RBL2: variants seen among roughly 807,000 people sequenced by gnomAD.
RBL2 encodes the protein RB transcriptional corepressor like 2.
In RBL2, 56 loss-of-function variants were observed where a neutral mutation model predicts 126.0. The observed-to-expected ratio is 0.44, with a 90% CI of 0.36 to 0.56. The LOEUF (loss-of-function observed/expected upper bound fraction) is 0.56, where lower values mean the gene tolerates loss of function less well. Ranked by LOEUF, RBL2 falls within the 20% of genes least tolerant of loss-of-function variation. The pLI, the probability that RBL2 is intolerant of heterozygous loss-of-function variation, is 0.00. For synonymous variants in RBL2, 454 were observed against 478.5 expected, an observed-to-expected ratio of 0.95 and a Z score of 0.67; for missense variants, 1,229 against 1,398.2, an observed-to-expected ratio of 0.88 and a Z score of 1.93.
Position 53,434,768 on chromosome 16 carries a change from G to T in RBL2, c.212G>T (p.Arg71Leu). The T allele has an allele frequency of 6.6e-7, 1 of 1,526,112 alleles. No homozygotes were observed. Among genetic ancestry groups the T allele is most frequent in the Non-Finnish European group, 8.8e-7 (1 of 1,142,084 alleles). The allele number at this position is 1,526,112 out of a possible 1,614,324, so 94.5% of individuals were successfully genotyped here. A position where few individuals can be genotyped will look rare whatever the true frequency, so the allele number is the denominator to read the frequency against. ...AARAEAWDSYRSMSESYTLEG... is the reference protein window; with the variant it reads ...AARAEAWDSYLSMSESYTLEG... ...CGGGCCGAGGCCTGGGACAGCTACC[G>T]CAGCATGAGCGAAAGCTACACGCTG... Residue 71 changes from arginine (R) to leucine (L), a missense_variant, in exon 1 of 22, where the codon CGC (arginine) becomes CTC (leucine). By Grantham distance (102) the Arg-to-Leu change is moderately radical. Coordinates refer to ENST00000262133, the MANE Select transcript of RBL2 (RefSeq NM_005611.4).
Position 53,465,460 on chromosome 16 carries a change from C to A in RBL2, c.1721C>A (p.Ala574Glu). 1 of 1,530,988 alleles carries A rather than the reference C, an allele frequency of 6.5e-7. No individual in the cohort carries two copies. Among genetic ancestry groups the A allele is most frequent in the Non-Finnish European group, 8.8e-7 (1 of 1,140,762 alleles). 94.8% of individuals were successfully genotyped at this position (1,530,988 alleles called of 1,614,324 possible). ...CAGGTGATAGAAGTATTCATTAGAG[C>A]AGAAGATGGCCTTTGTAGAGAGGTG... is the stretch of plus-strand genomic sequence containing the variant. ...FYKVIEVFIR[A>E]EDGLCREVVK... Residue 574 changes from alanine (A) to glutamate (E), a missense_variant, in exon 13 of 22, where the codon GCA (alanine) becomes GAA (glutamate). Physicochemically the swap from Ala to Glu is moderately radical, Grantham distance 107 (BLOSUM62 -1). Transcript: ENST00000262133.
chr16:53,448,515 G>C (rs956782539), intron 4 of RBL2, among the ~76,000 whole-genome samples: 2 of 142,448 alleles, frequency 1.4e-5, no homozygotes, highest in Non-Finnish European at 3.1e-5. Flanking sequence ...ACAGGATCTT[G>C]CTCTGTTGCC....
At chr16:53,471,751 G>A (rs1960533278) in intron 17 of RBL2, among the ~76,000 whole-genome samples, 1 of 152,188 alleles carries the variant, frequency 6.6e-6, no homozygotes, top group Admixed American at 6.5e-5. Context: ...TTACAGGCAT[G>A]AGCCACTGGG....
chr16:53,462,523 T>A, intron 10 of RBL2, 29 bp from the exon 11 acceptor site: 1 of 1,357,220 alleles, frequency 7.4e-7, no homozygotes, highest in Non-Finnish European at 1.0e-6. Context: ...GCCATTTTTG[T>A]GGGGTTTTTT....
rs899783695 is a variant in RBL2 at position 53,442,649 on chromosome 16, T to C, written c.372-9T>C. ...AATTATGAAATATCTTGTTTGTCTT[T>C]AATACCAGCTTAATCGAATTTTTTA... is the stretch of plus-strand genomic sequence containing the variant. On this transcript the variant is annotated splice_polypyrimidine_tract_variant and intron_variant, in intron 2 of 21. Coordinates refer to ENST00000262133, the MANE Select transcript of RBL2 (RefSeq NM_005611.4). 6.2e-7 allele frequency: 1 copy of C among 1,600,650 alleles called. No homozygotes were observed. The highest frequency in any genetic ancestry group is 1.7e-5 in the Admixed American group (1 of 59,068).
At chr16:53,435,718 A>AGGTC (rs1432989295) in intron 1 of RBL2, 1 of 1,288,968 alleles carries the variant, frequency 7.8e-7, no homozygotes, top group Non-Finnish European at 1.0e-6. Flanking sequence ...TCGGGCAAAT[A>AGGTC]GGTCCAGGAT....
Position 53,451,641 on chromosome 16 carries a change from T to A in RBL2, c.638-62T>A, listed in dbSNP as rs1037380313. The A allele has an allele frequency of 4.5e-6, 7 of 1,551,906 alleles. No homozygotes were observed. In the African/African-American group the frequency reaches 6.8e-5, roughly 15 times the overall value. On this transcript the variant is annotated intron_variant, in intron 4 of 21. Coordinates refer to ENST00000262133, the MANE Select transcript of RBL2 (RefSeq NM_005611.4). Reference sequence around the variant, plus strand: ...ATGTCATAATAAGTAAAGGAAGAAATTTTTTAAAAATGTTACAAAGTCAAT... The same window carrying A: ...ATGTCATAATAAGTAAAGGAAGAAAATTTTTAAAAATGTTACAAAGTCAAT...
At chr16:53,469,451 C>G (rs1005375313) in intron 14 of RBL2, among the ~76,000 whole-genome samples, 3 of 152,150 alleles carry the variant, frequency 2.0e-5, no homozygotes, top group Non-Finnish European at 4.4e-5. Context: ...TGGCGGAATG[C>G]TCCTAGATGA....
At chr16:53,454,943 G>A (rs1048821420) in intron 8 of RBL2, 101 bp downstream of exon 8, 1 of 976,954 alleles carries the variant, frequency 1.0e-6, no homozygotes, top group Non-Finnish European at 1.4e-6. Context: ...CTTGCCTACA[G>A]TATGAAGGAG....
chr16:53,490,200 A>G lies in RBL2; in HGVS notation c.3320A>G (p.Glu1107Gly). ...ACTAAAAAGAGAGGAATTCTTTTGG[A>G]AGATGGAAGTGAATCACCTGCAAAA... is the stretch of plus-strand genomic sequence containing the variant. ...TPTKKRGILLEDGSESPAKRI... is the reference protein window; with the variant it reads ...TPTKKRGILLGDGSESPAKRI... Residue 1107 changes from glutamate (E) to glycine (G), a missense_variant, in exon 22 of 22, where the codon GAA becomes GGA. By Grantham distance (98) the Glu-to-Gly change is moderately conservative. This residue lies in a region of RBL2 where 1,070 missense variants were observed against 1,274.3 expected (regional missense o/e 0.84). Coordinates refer to ENST00000262133, the MANE Select transcript of RBL2 (RefSeq NM_005611.4). 6.2e-7 allele frequency: 1 copy of G among 1,612,138 alleles called. No individual in the cohort carries two copies. The highest frequency in any genetic ancestry group is 8.5e-7 in the Non-Finnish European group (1 of 1,178,498).
At chr16:53,457,257 G>GTTTTTTTTT (rs1555566417) in intron 8 of RBL2, among the ~76,000 whole-genome samples, 1 of 70,596 alleles carries the variant, frequency 1.4e-5, no homozygotes, top group African/African-American at 1.1e-4. Context: ...GGTACAGATA[G>GTTTTTTTTT]CTTTTTTTTT....
At chr16:53,446,082 T>G (rs1481638660) in intron 3 of RBL2, among the ~76,000 whole-genome samples, 1 of 151,656 alleles carries the variant, frequency 6.6e-6, no homozygotes, top group Non-Finnish European at 1.5e-5. Flanking sequence ...GTTAGTCAAG[T>G]TTTTTTTTCT....
intron 8 of RBL2, among the ~76,000 whole-genome samples, chr16:53,456,026 AT>A (rs2058163743): frequency 6.6e-6 from 1 of 152,098 alleles, no homozygotes. Context: ...AATACAAAAA[AT>A]AAGCTGGCCA....
chr16:53,459,423 A>T, intron 8 of RBL2, 28 bp from the exon 9 acceptor site: 2 of 1,567,558 alleles, frequency 1.3e-6, no homozygotes, highest in Non-Finnish European at 1.7e-6. Flanking sequence ...AATGTTTATT[A>T]ATTCTGTGTA....
At position 53,465,500 on chromosome 16, in the gene RBL2, T is replaced by A. The variant is rs1470715601; in HGVS notation, c.1761T>A (p.Asn587Lys). The change falls in exon 13 of 22, where the codon AAT (asparagine) becomes AAA (lysine). Residue 587 changes from asparagine to lysine, a missense_variant. Transcript: ENST00000262133. ...GTAGAGAGGTGGTAAAACACCTTAA[T>A]CAGATTGAAGAACAGATCTTAGATC... ...GLCREVVKHL[N>K]QIEEQILDHL... 6.2e-7 allele frequency: 1 copy of A among 1,603,532 alleles called. No homozygotes were observed. Among genetic ancestry groups the A allele is most frequent in the Non-Finnish European group, 8.5e-7 (1 of 1,175,440 alleles).
chr16:53,438,148 G>T, intron 1 of RBL2, among the ~76,000 whole-genome samples: 1 of 152,334 alleles, frequency 6.6e-6, no homozygotes, highest in East Asian at 1.9e-4. Flanking sequence ...GGTTCTGTGA[G>T]TAAGGAATTC....
intron 7 of RBL2, chr16:53,454,287 C>G (rs879236823): frequency 2.3e-6 from 1 of 437,208 alleles, no homozygotes; most frequent in South Asian, 1.7e-5. Flanking sequence ...TCACTGCAAC[C>G]TCTGCCTCCC....
chr16:53,473,836 G>T (rs1960613924), intron 17 of RBL2, among the ~76,000 whole-genome samples: 1 of 150,956 alleles, frequency 6.6e-6, no homozygotes, highest in African/African-American at 2.4e-5. Context: ...TTCATTGAGT[G>T]TTTTTTTTAT....
Position 53,481,720 on chromosome 16 carries a change from C to T in RBL2, c.3134C>T (p.Pro1045Leu). Residue 1045 changes from proline to leucine, a missense_variant, in exon 21 of 22, where the codon CCT becomes CTT. Around this residue, in one of 2 missense-constraint regions of RBL2, gnomAD observed 1,070 missense variants for 1,274.3 expected, o/e 0.84. Transcript: ENST00000262133. ...SPYPFVRTGS[P>L]RRIQLSQNHP... ...TATCCATTTGTAAGAACAGGCTCCCCTCGCCGAATACAGTTGTCTCAAAAT... is the reference window on the plus strand; with the variant it reads ...TATCCATTTGTAAGAACAGGCTCCCTTCGCCGAATACAGTTGTCTCAAAAT... The T allele has an allele frequency of 6.2e-7, 1 of 1,610,914 alleles. No individual in the cohort carries two copies. The highest frequency in any genetic ancestry group is 1.1e-5 in the South Asian group (1 of 91,010).
Sources: allele counts gnomAD v4.1 joint callset (sites outside exome capture counted in the v4.1 genomes callset), GRCh38; gene constraint gnomAD v4.1.1; regional missense constraint gnomAD v4.1.1; transcripts MANE v1.5; gene names NCBI Gene and HGNC (gene_info 2026-07-23, HGNC 2026-07-21).